PTPRK: variants seen among roughly 807,000 people sequenced by gnomAD.
PTPRK encodes protein tyrosine phosphatase receptor type K, also known as receptor-type tyrosine-protein phosphatase kappa.
In PTPRK, 75 loss-of-function variants were observed where a neutral mutation model predicts 178.0. The observed-to-expected ratio is 0.42, with a 90% CI of 0.35 to 0.51. The LOEUF (loss-of-function observed/expected upper bound fraction) is 0.51. PTPRK is among the 20% of genes least tolerant of loss of function. PTPRK has a pLI of 0.02. For missense variants in PTPRK, 1,441 were observed against 1,797.8 expected (o/e 0.80, Z 3.59); for synonymous variants, 637 against 620.6 (o/e 1.03, Z -0.39).
At chr6:128,463,207 G>A (rs1849305533) in intron 1 of PTPRK, among the ~76,000 whole-genome samples, 1 of 152,168 alleles carries the variant, frequency 6.6e-6, no homozygotes, top group South Asian at 2.1e-4. Context: ...AAGTGTGGAA[G>A]AAAAGGTTCA....
intron 22 of PTPRK, among the ~76,000 whole-genome samples, chr6:127,984,016 T>C (rs1583505946): frequency 6.6e-6 from 1 of 152,200 alleles, no homozygotes; most frequent in South Asian, 2.1e-4. Flanking sequence ...GTGTAGAATA[T>C]GATTCCCAGC....
intron 6 of PTPRK, among the ~76,000 whole-genome samples, chr6:128,213,990 T>C (rs1162496592): frequency 6.6e-6 from 1 of 152,142 alleles, no homozygotes; most frequent in African/African-American, 2.4e-5. Context: ...ATGTGGTTCA[T>C]TGCTCATCCC....
At position 127,998,905 on chromosome 6, in the gene PTPRK, C is replaced by A; in HGVS notation, c.2495-1G>T. Reference sequence around the variant, plus strand: ...TCTGCTGTAGCACTGTGGTTCTCATCTGGCATTTTTCAGATTTCAGAAGAT... The same window carrying A: ...TCTGCTGTAGCACTGTGGTTCTCATATGGCATTTTTCAGATTTCAGAAGAT... On this transcript the variant is annotated splice_acceptor_variant, in intron 15 of 29. Coordinates refer to ENST00000368226, the MANE Select transcript of PTPRK (RefSeq NM_002844.4). LOFTEE classifies it high-confidence loss of function. The A allele has an allele frequency of 6.6e-7, 1 of 1,511,432 alleles. No homozygotes were observed. The highest frequency in any genetic ancestry group is 1.3e-5 in the South Asian group (1 of 78,132). The allele number at this position is 1,511,432 out of a possible 1,614,324, so 93.6% of individuals were successfully genotyped here. A position where few individuals can be genotyped will look rare whatever the true frequency, so the allele number is the denominator to read the frequency against.
chr6:128,114,672 C>G (rs1353637954), intron 7 of PTPRK, among the ~76,000 whole-genome samples: 1 of 149,564 alleles, frequency 6.7e-6, no homozygotes, highest in Non-Finnish European at 1.5e-5. Flanking sequence ...ACAAGAACAG[C>G]CTGGAGGAAA....
chr6:128,492,438 C>T (rs1853952616), intron 1 of PTPRK, among the ~76,000 whole-genome samples: 1 of 152,144 alleles, frequency 6.6e-6, no homozygotes, highest in South Asian at 2.1e-4. Flanking sequence ...ACCTTGTAGC[C>T]TAACTATCCA....
At chr6:128,500,780 GCA>G (rs1320403301) in intron 1 of PTPRK, 1 of 152,116 alleles carries the variant, frequency 6.6e-6, no homozygotes, top group East Asian at 1.9e-4. Context: ...ATTTTGTTTT[GCA>G]CAGTCTGAGG....
chr6:128,407,653 A>AAAAGAAG (rs1554255913), intron 1 of PTPRK, among the ~76,000 whole-genome samples: 1 of 147,626 alleles, frequency 6.8e-6, no homozygotes. Flanking sequence ...AAAAAAAAAA[A>AAAAGAAG]AAGAAGAAGA....
intron 7 of PTPRK, among the ~76,000 whole-genome samples, chr6:128,115,333 TG>T (rs1185498201): frequency 6.6e-6 from 1 of 152,158 alleles, no homozygotes; most frequent in Non-Finnish European, 1.5e-5. Context: ...TTCTAGGAAA[TG>T]TACCTTCTAT....
intron 11 of PTPRK, among the ~76,000 whole-genome samples, chr6:128,070,793 T>G (rs1166886511): frequency 6.6e-6 from 1 of 151,752 alleles, no homozygotes; most frequent in Non-Finnish European, 1.5e-5. Flanking sequence ...TTTTCACATA[T>G]TATACTTACT....
intron 3 of PTPRK, among the ~76,000 whole-genome samples, chr6:128,293,061 TC>T (rs1343865814): frequency 6.6e-6 from 1 of 152,030 alleles, no homozygotes; most frequent in African/African-American, 2.4e-5. Context: ...TTAGTTTTTT[TC>T]TTTATAAAAT....
At chr6:128,099,654 C>A (rs1196387188) in intron 7 of PTPRK, among the ~76,000 whole-genome samples, 1 of 152,002 alleles carries the variant, frequency 6.6e-6, no homozygotes, top group African/African-American at 2.4e-5. Flanking sequence ...TATTGATACA[C>A]ACTTTAACAC....
rs983155905 is a variant in PTPRK at position 128,089,552 on chromosome 6, C to T, written c.1465+138G>A. The T allele has an allele frequency of 2.7e-5, 26 of 961,616 alleles. No individual in the cohort carries two copies. The East Asian group carries it at 6.1e-4, about 23-fold the overall frequency. The allele number at this position is 961,616 out of a possible 1,614,324, so 59.6% of individuals were successfully genotyped here. ...GGTTTTGTAAAAGGCAATTTTTTTC[C>T]AAAGTTAATCTCATTAATAACATTT... On this transcript the variant is annotated intron_variant, in intron 8 of 29. Coordinates refer to ENST00000368226, the MANE Select transcript of PTPRK (RefSeq NM_002844.4).
chr6:128,300,466 C>G (rs1825387499), intron 3 of PTPRK, among the ~76,000 whole-genome samples: 1 of 151,900 alleles, frequency 6.6e-6, no homozygotes, highest in African/African-American at 2.4e-5. Context: ...AGACTTGGAT[C>G]CAACCCAAAT....
At chr6:128,009,319 G>T in intron 13 of PTPRK, 51 bp from the exon 14 acceptor site, 1 of 1,544,920 alleles carries the variant, frequency 6.5e-7, no homozygotes, top group Non-Finnish European at 8.8e-7. Flanking sequence ...AATAATCACA[G>T]AAAAAAATTA....
intron 1 of PTPRK, among the ~76,000 whole-genome samples, chr6:128,459,486 A>G (rs1848768295): frequency 1.3e-5 from 2 of 152,152 alleles, no homozygotes; most frequent in Non-Finnish European, 2.9e-5. Context: ...CTTTATACCC[A>G]AAGCTGCTAC....
chr6:128,425,261 T>C (rs374229075), intron 1 of PTPRK, among the ~76,000 whole-genome samples: 5 of 152,014 alleles, frequency 3.3e-5, no homozygotes, highest in East Asian at 1.9e-4. Context: ...GTATTTTTAG[T>C]AGAGTTGGGG....
chr6:128,240,134 G>A lies in PTPRK; in HGVS notation c.594C>T (p.Phe198=). The A allele has an allele frequency of 6.2e-7, 1 of 1,612,006 alleles. No homozygotes were observed. The highest frequency in any genetic ancestry group is 8.5e-7 in the Non-Finnish European group (1 of 1,178,810). The change falls in exon 5 of 30, where the codon TTC becomes TTT. Residue 198 remains phenylalanine, a synonymous_variant. Transcript: ENST00000368226. ...TCACCTCTACATCCCCTAGACGGAG[G>A]AAATGAGGAGATTTATCTGTGAAGG... The part of the protein sequence containing the change: ...LSYPCDKSPH[F]LRLGDVEVNA...
chr6:128,396,727 C>T (rs376331120), intron 2 of PTPRK, among the ~76,000 whole-genome samples: 8 of 152,076 alleles, frequency 5.3e-5, no homozygotes, highest in Admixed American at 2.6e-4. Context: ...ATGCTGGGCG[C>T]GGTGGCTCAC....
rs1401583416 is a variant in PTPRK at position 128,445,497 on chromosome 6, A to G, written c.101-47809T>C. Among the ~76,000 whole-genome samples, 5 of 150,090 alleles carry G rather than the reference A, an allele frequency of 3.3e-5. No homozygotes were observed. In the East Asian group the frequency reaches 9.7e-4, roughly 29 times the overall value. On this transcript the variant is annotated intron_variant, in intron 1 of 29. Transcript: ENST00000368226. The stretch of plus-strand genomic sequence containing the variant: ...CCCTGAGACTGGGTAATTTATATAA[A>G]GTATATATATGCTTACATATAAAGT...
Sources: allele counts gnomAD v4.1 joint callset (sites outside exome capture counted in the v4.1 genomes callset), GRCh38; gene constraint gnomAD v4.1.1; transcripts MANE v1.5; gene names NCBI Gene and HGNC (gene_info 2026-07-23, HGNC 2026-07-21).